The following TSHZ2 variants were observed in gnomAD, a reference collection of about 807,000 sequenced individuals.
TSHZ2 encodes teashirt homolog 2.
In TSHZ2, 21 loss-of-function variants were observed where a neutral mutation model predicts 74.4. The ratio of observed to expected loss-of-function variants is 0.28; its 90% CI spans 0.20 to 0.41. TSHZ2 has a LOEUF of 0.41. Ranked by LOEUF, TSHZ2 falls within the 10% of genes least tolerant of loss-of-function variation. TSHZ2 has a pLI of 1.00. For missense variants in TSHZ2, 1,244 were observed against 1,293.5 expected, an observed-to-expected ratio of 0.96 and a Z score of 0.59; for synonymous variants, 540 against 515.3, an observed-to-expected ratio of 1.05 and a Z score of -0.65.
intron 1 of TSHZ2, among the ~76,000 whole-genome samples, chr20:53,193,388 A>G (rs2123551023): frequency 6.6e-6 from 1 of 152,256 alleles, no homozygotes; most frequent in South Asian, 2.1e-4. Flanking sequence ...ATGTATCCTT[A>G]GGGGCTCTGC....
At chr20:53,309,188 G>A (rs994867787) in intron 2 of TSHZ2, among the ~76,000 whole-genome samples, 3 of 152,186 alleles carry the variant, frequency 2.0e-5, no homozygotes, top group African/African-American at 7.2e-5. Context: ...TGAGCTGAGG[G>A]CTCAAAACCT....
intron 1 of TSHZ2, among the ~76,000 whole-genome samples, chr20:53,252,641 A>AC (rs1459572101): frequency 6.6e-6 from 1 of 152,204 alleles, no homozygotes; most frequent in Admixed American, 6.5e-5. Flanking sequence ...CCCCAATAGC[A>AC]TTTTGCATCT....
intron 1 of TSHZ2, among the ~76,000 whole-genome samples, chr20:53,033,437 T>C (rs1019715662): frequency 1.3e-5 from 2 of 152,136 alleles, no homozygotes; most frequent in Admixed American, 6.5e-5. Context: ...TGACTACCTA[T>C]GTAAGCAAGT....
chr20:53,260,525 G>A (rs1485169936), intron 2 of TSHZ2, among the ~76,000 whole-genome samples: 1 of 152,194 alleles, frequency 6.6e-6, no homozygotes, highest in South Asian at 2.1e-4. Flanking sequence ...AATGCTGAAA[G>A]GAGCACACAG....
chr20:53,225,573 A>AT (rs1989665108), intron 1 of TSHZ2, among the ~76,000 whole-genome samples: 1 of 152,202 alleles, frequency 6.6e-6, no homozygotes, highest in Non-Finnish European at 1.5e-5. Context: ...TCTGCAAAGC[A>AT]TTTTATTAGG....
At chr20:53,284,206 C>T (rs6022374) in intron 2 of TSHZ2, among the ~76,000 whole-genome samples, 11,481 of 152,250 alleles carry the variant, frequency 0.075, 1,437 homozygotes, top group African/African-American at 0.25. Flanking sequence ...TTCTTGAATG[C>T]TGGACCGCCA....
At chr20:53,163,446 A>AT (rs1360049688) in intron 1 of TSHZ2, among the ~76,000 whole-genome samples, 2 of 84,474 alleles carry the variant, frequency 2.4e-5, no homozygotes, top group East Asian at 3.3e-4. Context: ...ATTTTATTTT[A>AT]TTTTATTTTA....
intron 1 of TSHZ2, among the ~76,000 whole-genome samples, chr20:53,240,821 G>A (rs143518667): frequency 8.4e-4 from 128 of 152,142 alleles, no homozygotes; most frequent in Non-Finnish European, 1.6e-3. Flanking sequence ...CTGAGAACTG[G>A]CTGAAAACTA....
At chr20:53,147,658 T>G (rs931709869) in intron 1 of TSHZ2, among the ~76,000 whole-genome samples, 7 of 152,224 alleles carry the variant, frequency 4.6e-5, no homozygotes, top group African/African-American at 1.7e-4. Context: ...AAACCAATAT[T>G]CAGTTCCATC....
At chr20:53,480,069 GT>G (rs71194484) in intron 2 of TSHZ2, among the ~76,000 whole-genome samples, 63,345 of 127,080 alleles carry the variant, frequency 0.5, 14,807 homozygotes, top group African/African-American at 0.61. Flanking sequence ...CCAGGTTTTT[GT>G]TTTTTTTTTT....
rs144229670 is a variant in TSHZ2 at position 53,330,363 on chromosome 20, G to A, written c.*8+73792G>A. On this transcript the variant is annotated intron_variant, in intron 2 of 2. Coordinates refer to ENST00000371497, the MANE Select transcript of TSHZ2 (RefSeq NM_173485.6). ...CAGTTCACCTGCCATCATTTGAGGT[G>A]ATATGTAGGCTTTTTAAACATAAAA... Among the ~76,000 whole-genome samples, 848 of 152,278 alleles carry A rather than the reference G, an allele frequency of 5.6e-3. 3 individuals are homozygous for A. The highest frequency in any genetic ancestry group is 0.014 in the Middle Eastern group (4 of 294).
At chr20:53,311,154 G>A (rs528548007) in intron 2 of TSHZ2, among the ~76,000 whole-genome samples, 1 of 152,310 alleles carries the variant, frequency 6.6e-6, no homozygotes, top group South Asian at 2.1e-4. Context: ...ACTTCTAAAA[G>A]CAGCTCATAA....
At chr20:53,066,753 G>A (rs1022129593) in intron 1 of TSHZ2, among the ~76,000 whole-genome samples, 1 of 152,114 alleles carries the variant, frequency 6.6e-6, no homozygotes, top group Non-Finnish European at 1.5e-5. Context: ...TGATCTGCCC[G>A]CCTCGGCCTC....
chr20:53,242,159 G>A (rs1990085713), intron 1 of TSHZ2, among the ~76,000 whole-genome samples: 1 of 152,152 alleles, frequency 6.6e-6, no homozygotes, highest in Non-Finnish European at 1.5e-5. Flanking sequence ...TATTGAGGCT[G>A]TATAATTCTT....
At chr20:53,115,077 G>A (rs959227664) in intron 1 of TSHZ2, among the ~76,000 whole-genome samples, 5 of 152,100 alleles carry the variant, frequency 3.3e-5, no homozygotes, top group African/African-American at 1.2e-4. Context: ...ACCTTGTCAG[G>A]CTTCCTCATT....
intron 1 of TSHZ2, among the ~76,000 whole-genome samples, chr20:53,028,097 A>G (rs898134731): frequency 6.6e-6 from 1 of 152,182 alleles, no homozygotes; most frequent in African/African-American, 2.4e-5. Context: ...CAGGAAATCC[A>G]GTCTCTTCTC....
Position 53,340,177 on chromosome 20 carries a change from C to CTTTTTTT in TSHZ2, c.*8+83612_*8+83613insTTTTTTT, listed in dbSNP as rs74177489. Among the ~76,000 whole-genome samples the CTTTTTTT allele has an allele frequency of 7.7e-3, 724 of 93,932 alleles. 108 individuals carry two copies. Among genetic ancestry groups the CTTTTTTT allele is most frequent in the Non-Finnish European group, 8.8e-3 (444 of 50,544 alleles). The allele number at this position is 93,932 out of a possible 152,430, so 61.6% of individuals were successfully genotyped here. On this transcript the variant is annotated intron_variant, in intron 2 of 2. Transcript: ENST00000371497. The stretch of plus-strand genomic sequence containing the variant: ...GGATAAAACAAGGTGACTTTTCTTT[C>CTTTTTTT]TTTTTTCTTTTTTTTTTTTTTTTGA...
chr20:52,988,880 CTT>C (rs1242806768), intron 1 of TSHZ2, among the ~76,000 whole-genome samples: 3 of 152,136 alleles, frequency 2.0e-5, no homozygotes, highest in Non-Finnish European at 4.4e-5. Flanking sequence ...TGATAAATCT[CTT>C]GTAGGCTCCA....
intron 1 of TSHZ2, among the ~76,000 whole-genome samples, chr20:53,051,457 G>GCGCACA (rs778579793): frequency 1.4e-5 from 2 of 145,100 alleles, no homozygotes; most frequent in Non-Finnish European, 3.0e-5. Context: ...TGTGGCGCAC[G>GCGCACA]CACACACACA....
Sources: allele counts gnomAD v4.1 joint callset (sites outside exome capture counted in the v4.1 genomes callset), GRCh38; gene constraint gnomAD v4.1.1; transcripts MANE v1.5; gene names NCBI Gene and HGNC (gene_info 2026-07-23, HGNC 2026-07-21).